HDAC8: variants seen among roughly 807,000 people sequenced by gnomAD.
The protein encoded by HDAC8 is histone deacetylase-like 1.
HDAC8 carries 1 observed loss-of-function variant against 32.2 expected under a neutral mutation model. The ratio of observed to expected loss-of-function variants is 0.03; its 90% CI spans 0.01 to 0.15. The LOEUF is 0.15. Ranked by LOEUF, HDAC8 falls within the 10% of genes least tolerant of loss-of-function variation. The pLI is 1.00. For missense variants in HDAC8, 117 were observed against 300.0 expected, an observed-to-expected ratio of 0.39 and a Z score of 4.51; for synonymous variants, 108 against 113.9, an observed-to-expected ratio of 0.95 and a Z score of 0.33.
chrX:72,515,589 G>T (rs6653329), intron 4 of HDAC8, among the ~76,000 whole-genome samples: 26 of 31,321 alleles, frequency 8.3e-4, no homozygotes, highest in South Asian at 5.7e-3. Context: ...AGTGTGTGTG[G>T]GGGGGGGGTG....
intron 4 of HDAC8, among the ~76,000 whole-genome samples, chrX:72,497,834 C>A (rs782797431): frequency 8.9e-6 from 1 of 111,755 alleles, no homozygotes; most frequent in East Asian, 2.8e-4. Context: ...ATATTCATTA[C>A]ATACCTAGAC....
At chrX:72,388,233 G>A (rs1041764273) in intron 9 of HDAC8, among the ~76,000 whole-genome samples, 29 of 110,067 alleles carry the variant, frequency 2.6e-4, no homozygotes, top group Non-Finnish European at 4.4e-4. Flanking sequence ...TGTATTTGAA[G>A]CAGGTAGATA....
At chrX:72,555,988 T>A (rs2051270010) in intron 4 of HDAC8, among the ~76,000 whole-genome samples, 1 of 111,988 alleles carries the variant, frequency 8.9e-6, no homozygotes, top group Non-Finnish European at 1.9e-5. Flanking sequence ...GAAAGAATCT[T>A]AAGAGCTGTG....
At chrX:72,335,002 T>C (rs1326338962) in intron 10 of HDAC8, among the ~76,000 whole-genome samples, 1 of 112,361 alleles carries the variant, frequency 8.9e-6, no homozygotes, top group Non-Finnish European at 1.9e-5. Flanking sequence ...ATCTCTTTAG[T>C]CTTTCTTTTT....
intron 9 of HDAC8, among the ~76,000 whole-genome samples, chrX:72,443,182 C>G (rs1173886397): frequency 9.0e-6 from 1 of 110,900 alleles, no homozygotes; most frequent in Non-Finnish European, 1.9e-5. Flanking sequence ...CCACCAAGCA[C>G]ACCTAATAGA....
intron 4 of HDAC8, among the ~76,000 whole-genome samples, chrX:72,532,270 T>TTTG (rs2050371277): frequency 1.0e-5 from 1 of 98,061 alleles, no homozygotes; most frequent in African/African-American, 3.7e-5. Flanking sequence ...TTTTTTTTTT[T>TTTG]TTTTGTAGAA....
At chrX:72,393,338 C>A (rs924908303) in intron 9 of HDAC8, among the ~76,000 whole-genome samples, 2 of 111,328 alleles carry the variant, frequency 1.8e-5, no homozygotes, top group South Asian at 7.5e-4. Flanking sequence ...TTCACTTAGA[C>A]CACCATATTA....
intron 9 of HDAC8, among the ~76,000 whole-genome samples, chrX:72,413,362 G>A (rs2046253489): frequency 1.0e-5 from 1 of 99,592 alleles, no homozygotes; most frequent in Non-Finnish European, 2.0e-5. Flanking sequence ...GTGAGAACAT[G>A]CGCCACGTGG....
At chrX:72,332,746 G>A (rs1472912035) in intron 10 of HDAC8, among the ~76,000 whole-genome samples, 1 of 110,533 alleles carries the variant, frequency 9.0e-6, no homozygotes, top group Non-Finnish European at 1.9e-5. Flanking sequence ...CCGCCTCCTG[G>A]GTTCAAGCGA....
chrX:72,500,942 G>A (rs2049192858), intron 4 of HDAC8, among the ~76,000 whole-genome samples: 1 of 111,838 alleles, frequency 8.9e-6, no homozygotes, highest in Non-Finnish European at 1.9e-5. Context: ...CAAAATCAAT[G>A]TACAAAAATC....
chrX:72,350,527 T>TATCTTG (rs200200303), intron 10 of HDAC8, among the ~76,000 whole-genome samples: 2,440 of 111,758 alleles, frequency 0.022, 68 homozygotes, highest in African/African-American at 0.076. Flanking sequence ...GAACTGGTGC[T>TATCTTG]ATCTTGGTCA....
chrX:72,510,892 A>T (rs782763626), intron 4 of HDAC8, among the ~76,000 whole-genome samples: 7 of 112,012 alleles, frequency 6.2e-5, no homozygotes, highest in African/African-American at 2.3e-4. Context: ...TCACTTGGCT[A>T]TGAATTTTTC....
chrX:72,357,414 G>C (rs2044402334), intron 9 of HDAC8, among the ~76,000 whole-genome samples: 1 of 110,089 alleles, frequency 9.1e-6, no homozygotes, highest in Non-Finnish European at 1.9e-5. Flanking sequence ...GGGGGTGGGG[G>C]GAGCTTACTA....
chrX:72,392,741 CTTTTTCTGTTCTGA>C (rs1555964316), intron 9 of HDAC8, among the ~76,000 whole-genome samples: 1 of 112,060 alleles, frequency 8.9e-6, no homozygotes, highest in African/African-American at 3.2e-5. Context: ...GAATAAAACC[CTTTTTCTGTTCTGA>C]AAAGAGATGT....
At chrX:72,500,265 C>T (rs2049164907) in intron 4 of HDAC8, among the ~76,000 whole-genome samples, 2 of 111,673 alleles carry the variant, frequency 1.8e-5, no homozygotes, top group Non-Finnish European at 3.8e-5. Context: ...GGGACTCTTC[C>T]TCGACTCATT....
chrX:72,466,771 C>T (rs782204396), intron 7 of HDAC8: 6 of 112,073 alleles, frequency 5.4e-5, no homozygotes, highest in East Asian at 5.6e-4. Context: ...CATGAATGTT[C>T]GTAGCAGCTC....
At chrX:72,525,694 G>C (rs1337665975) in intron 4 of HDAC8, among the ~76,000 whole-genome samples, 1 of 105,994 alleles carries the variant, frequency 9.4e-6, no homozygotes, top group Admixed American at 1.0e-4. Flanking sequence ...GGCGCCCGTA[G>C]TCCCAGCTAC....
At chrX:72,552,790 A>ATAT (rs782129949) in intron 4 of HDAC8, among the ~76,000 whole-genome samples, 6 of 102,641 alleles carry the variant, frequency 5.8e-5, no homozygotes, top group African/African-American at 2.3e-4. Flanking sequence ...AAAAAAAAAA[A>ATAT]ATATATATAT....
At chrX:72,386,640 C>G (rs1297794650) in intron 9 of HDAC8, among the ~76,000 whole-genome samples, 2 of 111,514 alleles carry the variant, frequency 1.8e-5, no homozygotes, top group Non-Finnish European at 3.8e-5. Flanking sequence ...TAAATCCTAA[C>G]AAGCATCCTA....
Sources: gnomAD v4.1 joint callset for allele counts (sites outside exome capture counted in the v4.1 genomes callset) on GRCh38, gnomAD v4.1.1 for gene constraint, MANE v1.5 for transcripts, NCBI Gene and HGNC (gene_info 2026-07-23, HGNC 2026-07-21) for gene names.